The following ZNF678 variants were observed in gnomAD, a reference collection of about 807,000 sequenced individuals.
ZNF678 encodes zinc finger protein 678.
A neutral mutation model predicts 3.0 loss-of-function variants in ZNF678; 5 were observed. The observed-to-expected ratio is 1.69, with a 90% CI of 0.88 to 3.56. The LOEUF (loss-of-function observed/expected upper bound fraction) is 3.56. Among genes scored for constraint, ZNF678 ranks in the 30% most tolerant of loss-of-function variants. The probability of loss-of-function intolerance (pLI) is 0.00; values close to 1 mark genes in which losing one functional copy is unlikely to be tolerated. For synonymous variants in ZNF678, 218 were observed against 199.6 expected, an observed-to-expected ratio of 1.09 and a Z score of -0.78; for missense variants, 593 against 605.0, an observed-to-expected ratio of 0.98 and a Z score of 0.21.
chr1:227,663,389 A>G (rs1162109352), downstream of ZNF678, among the ~76,000 whole-genome samples: 2 of 152,184 alleles, frequency 1.3e-5, no homozygotes, highest in African/African-American at 4.8e-5. Flanking sequence ...GAAATAACAT[A>G]AAGACGTGAT....
chr1:227,631,735 C>G (rs1315706007), intron 1 of ZNF678, among the ~76,000 whole-genome samples: 2 of 152,178 alleles, frequency 1.3e-5, no homozygotes, highest in Non-Finnish European at 1.5e-5. Context: ...AAAAGATGGG[C>G]TTGCTGGTTT....
Position 227,676,054 on chromosome 1 carries a change from A to G in ZNF678, c.227-1125A>G, listed in dbSNP as rs1659671748. On this transcript the variant is annotated intron_variant, in intron 5 of 5. Coordinates refer to the ZNF678 transcript ENST00000608949. ...TGAAATTGGAGACTGGAAATAATCT[A>G]TCTTTGACAAAAGTTGGTGCTTGGG... Among the ~76,000 whole-genome samples, 5 of 152,364 alleles carry G rather than the reference A, an allele frequency of 3.3e-5. No individual in the cohort carries two copies. The South Asian group carries it at 1.0e-3, about 32-fold the overall frequency.
At chr1:227,635,034 G>A (rs929079373) in intron 1 of ZNF678, among the ~76,000 whole-genome samples, 2 of 149,766 alleles carry the variant, frequency 1.3e-5, no homozygotes, top group South Asian at 2.1e-4. Context: ...CAGAGACTCT[G>A]TTTGTTTTGG....
intron 5 of ZNF678, among the ~76,000 whole-genome samples, chr1:227,668,647 T>C (rs1049838139): frequency 6.6e-6 from 1 of 152,210 alleles, no homozygotes; most frequent in African/African-American, 2.4e-5. Flanking sequence ...GTGTTCACAT[T>C]TGGCATCACA....
At chr1:227,626,689 C>T (rs2132367) in intron 1 of ZNF678, among the ~76,000 whole-genome samples, 9 of 151,722 alleles carry the variant, frequency 5.9e-5, no homozygotes, top group African/African-American at 9.7e-5. Flanking sequence ...GCAAACCATG[C>T]GAGGTGGGTT....
chr1:227,576,941 C>G (rs922726269), intron 1 of ZNF678, among the ~76,000 whole-genome samples: 1 of 152,160 alleles, frequency 6.6e-6, no homozygotes, highest in African/African-American at 2.4e-5. Context: ...TATCTTTATT[C>G]TCATTAGTTT....
intron 1 of ZNF678, among the ~76,000 whole-genome samples, chr1:227,636,144 G>C (rs1318299309): frequency 6.6e-6 from 1 of 152,112 alleles, no homozygotes; most frequent in Non-Finnish European, 1.5e-5. Context: ...GGAGAAACAG[G>C]AGGGGCCCGA....
chr1:227,663,590 A>G (rs1659452730), downstream of ZNF678, among the ~76,000 whole-genome samples: 1 of 152,252 alleles, frequency 6.6e-6, no homozygotes, highest in African/African-American at 2.4e-5. Flanking sequence ...GTCTGCTATA[A>G]GAGATACCTG....
chr1:227,593,802 G>C (rs1657483141), intron 1 of ZNF678, among the ~76,000 whole-genome samples: 1 of 151,290 alleles, frequency 6.6e-6, no homozygotes, highest in South Asian at 2.1e-4. Context: ...TGGGACCATG[G>C]CCCACAACTC....
At chr1:227,618,049 G>C (rs942783316) in intron 1 of ZNF678, among the ~76,000 whole-genome samples, 1 of 152,180 alleles carries the variant, frequency 6.6e-6, no homozygotes, top group Non-Finnish European at 1.5e-5. Flanking sequence ...TGTCCAGTCT[G>C]TCAGCAGCAG....
chr1:227,636,443 C>G (rs1658681826), intron 1 of ZNF678, among the ~76,000 whole-genome samples: 1 of 152,174 alleles, frequency 6.6e-6, no homozygotes, highest in Non-Finnish European at 1.5e-5. Context: ...TTGCGCCGAG[C>G]ATTTCCAGGG....
At chr1:227,604,056 T>C (rs1657804260) in intron 1 of ZNF678, among the ~76,000 whole-genome samples, 1 of 152,216 alleles carries the variant, frequency 6.6e-6, no homozygotes, top group Non-Finnish European at 1.5e-5. Flanking sequence ...TAAAATGTAC[T>C]TAACTGTTTT....
intron 1 of ZNF678, among the ~76,000 whole-genome samples, chr1:227,632,164 T>G (rs992077402): frequency 1.3e-5 from 2 of 152,178 alleles, no homozygotes; most frequent in Non-Finnish European, 2.9e-5. Flanking sequence ...AAGAGCTGTG[T>G]ACCTAAATTG....
intron 1 of ZNF678, among the ~76,000 whole-genome samples, chr1:227,629,821 T>C (rs534354904): frequency 6.6e-6 from 1 of 152,304 alleles, no homozygotes; most frequent in African/African-American, 2.4e-5. Flanking sequence ...GGACAATCTT[T>C]TTAATATGTC....
Position 227,654,340 on chromosome 1 carries a change from T to A in ZNF678, c.90T>A (p.Ile30=). 1 of 1,515,634 alleles carries A rather than the reference T, an allele frequency of 6.6e-7. No individual in the cohort carries two copies. The highest frequency in any genetic ancestry group is 2.3e-5 in the East Asian group (1 of 43,426). 93.9% of individuals were successfully genotyped at this position (1,515,634 alleles called of 1,614,324 possible). ...TTTTATTTTTATTTCTTTCAGCTAT[T>A]TTATCTTATTCCATTCAAGACCTTT... ...TSFYKLVYTA[I]LSYSIQDLLP... Residue 30 remains isoleucine (I), a synonymous_variant, in exon 4 of 4, where the codon ATT becomes ATA. Transcript: ENST00000343776.
chr1:227,605,247 G>T (rs1440514192), intron 1 of ZNF678, among the ~76,000 whole-genome samples: 1 of 152,122 alleles, frequency 6.6e-6, no homozygotes, highest in Non-Finnish European at 1.5e-5. Flanking sequence ...TTTTCAGAAA[G>T]TTCATAGCTA....
In ZNF678 at chr1:227,604,071, T is replaced by TA. The variant is rs139771046; in HGVS notation, c.-164+40348dup. On this transcript the variant is annotated intron_variant, in intron 1 of 3. Transcript: ENST00000343776. ...TAAAATGTACTTAACTGTTTTTCCT[T>TA]ATATTAACTGGTTGACATTTTGACA... Among the ~76,000 whole-genome samples, 1,104 of 152,348 alleles carry TA rather than the reference T, an allele frequency of 7.2e-3. 12 individuals are homozygous for TA. Among genetic ancestry groups the TA allele is most frequent in the African/African-American group, 0.025 (1,047 of 41,578 alleles).
intron 1 of ZNF678, among the ~76,000 whole-genome samples, chr1:227,645,018 T>C (rs1658919791): frequency 6.6e-6 from 1 of 152,196 alleles, no homozygotes; most frequent in African/African-American, 2.4e-5. Flanking sequence ...GCAGCCAGTA[T>C]TTTTATTGTC....
chr1:227,646,431 A>T, intron 1 of ZNF678, 113 bp from the exon 2 acceptor site: 2 of 1,017,888 alleles, frequency 2.0e-6, no homozygotes, highest in Non-Finnish European at 2.7e-6. Flanking sequence ...ACAATGTCTT[A>T]CTGGACAGTT....
Sources: allele counts gnomAD v4.1 joint callset (sites outside exome capture counted in the v4.1 genomes callset), GRCh38; gene constraint gnomAD v4.1.1; transcripts MANE v1.5; gene names NCBI Gene and HGNC (gene_info 2026-07-23, HGNC 2026-07-21).